The following MBNL2 variants were observed in gnomAD, a reference collection of about 807,000 sequenced individuals.
The protein encoded by MBNL2 is muscleblind-like protein 2.
Under a neutral mutation model 41.9 loss-of-function variants are expected in MBNL2, and 17 were observed. The ratio of observed to expected loss-of-function variants is 0.41; its 90% CI spans 0.28 to 0.61. MBNL2 has a LOEUF of 0.61. MBNL2 is among the 20% of genes least tolerant of loss of function. MBNL2 has a pLI of 0.35. For missense variants in MBNL2, 336 were observed against 505.6 expected, an observed-to-expected ratio of 0.66 and a Z score of 3.22; for synonymous variants, 195 against 182.9, an observed-to-expected ratio of 1.07 and a Z score of -0.53.
intron 3 of MBNL2, among the ~76,000 whole-genome samples, chr13:97,339,161 G>T (rs1221206247): frequency 3.1e-4 from 2 of 6,534 alleles, no homozygotes; most frequent in Non-Finnish European, 9.4e-4. Flanking sequence ...GGAGTGTGCT[G>T]TGAATGTGTA....
intron 2 of MBNL2, among the ~76,000 whole-genome samples, chr13:97,316,065 T>A (rs2059022483): frequency 6.6e-6 from 1 of 152,214 alleles, no homozygotes; most frequent in Non-Finnish European, 1.5e-5. Context: ...GGCACCTCTC[T>A]TTCAATGTCT....
chr13:97,188,594 G>C, the MBNL2 span, among the ~76,000 whole-genome samples: 4 of 151,360 alleles, frequency 2.6e-5, no homozygotes, highest in Admixed American at 2.6e-4. Flanking sequence ...TCTGATGCAC[G>C]TATAATTCCC....
At chr13:97,180,955 A>G in the MBNL2 span, among the ~76,000 whole-genome samples, 3 of 152,086 alleles carry the variant, frequency 2.0e-5, no homozygotes, top group African/African-American at 7.2e-5. Flanking sequence ...GCTCTAAGGG[A>G]TAATCTATTC....
At chr13:97,318,564 T>G (rs555763013) in intron 2 of MBNL2, among the ~76,000 whole-genome samples, 1 of 152,348 alleles carries the variant, frequency 6.6e-6, no homozygotes, top group African/African-American at 2.4e-5. Context: ...TACCAAGTAT[T>G]ATTACCATCT....
chr13:97,181,825 T>G, the MBNL2 span, among the ~76,000 whole-genome samples: 1 of 152,218 alleles, frequency 6.6e-6, no homozygotes, highest in East Asian at 1.9e-4. Context: ...ATGATGTCTC[T>G]TATGGTTATG....
chr13:97,339,878 G>T (rs2061302550), intron 3 of MBNL2, among the ~76,000 whole-genome samples: 1 of 148,550 alleles, frequency 6.7e-6, no homozygotes, highest in South Asian at 2.2e-4. Context: ...TGTGGGCGGG[G>T]GGGGCGTTGT....
intron 2 of MBNL2, among the ~76,000 whole-genome samples, chr13:97,323,202 T>C (rs971687938): frequency 1.3e-5 from 2 of 152,216 alleles, no homozygotes; most frequent in African/African-American, 4.8e-5. Context: ...ATTCACCATA[T>C]AGTATTGCAA....
chr13:97,253,452 T>C (rs889096742), intron 1 of MBNL2, among the ~76,000 whole-genome samples: 5 of 152,210 alleles, frequency 3.3e-5, no homozygotes, highest in Non-Finnish European at 5.9e-5. Flanking sequence ...TAAGTTCTTA[T>C]TATATTCTAA....
At chr13:97,145,350 A>G in the MBNL2 span, among the ~76,000 whole-genome samples, 1 of 152,230 alleles carries the variant, frequency 6.6e-6, no homozygotes, top group African/African-American at 2.4e-5. Context: ...AAGAAAAGAG[A>G]AAGAAAGAAT....
chr13:97,175,895 C>T, the MBNL2 span, among the ~76,000 whole-genome samples: 4 of 152,284 alleles, frequency 2.6e-5, no homozygotes, highest in African/African-American at 7.2e-5. Context: ...GTGCTAAGAT[C>T]AGGGTCCTGG....
At chr13:97,270,027 T>C (rs901275851) in intron 1 of MBNL2, among the ~76,000 whole-genome samples, 43 of 152,352 alleles carry the variant, frequency 2.8e-4, no homozygotes, top group Admixed American at 2.4e-3. Flanking sequence ...GGAACTATTA[T>C]CGACATTTAG....
At chr13:97,313,160 G>T (rs2058751411) in intron 2 of MBNL2, among the ~76,000 whole-genome samples, 2 of 152,158 alleles carry the variant, frequency 1.3e-5, no homozygotes, top group South Asian at 4.1e-4. Flanking sequence ...GAAAGTGGAG[G>T]CTCCTAGTGG....
chr13:97,209,641 G>A, the MBNL2 span, among the ~76,000 whole-genome samples: 2 of 152,048 alleles, frequency 1.3e-5, no homozygotes, highest in Non-Finnish European at 2.9e-5. Flanking sequence ...GTCTAATTAA[G>A]GCAATTAATA....
intron 1 of MBNL2, among the ~76,000 whole-genome samples, chr13:97,271,112 G>GTTTTTT (rs369155404): frequency 1.5e-5 from 2 of 133,396 alleles, no homozygotes; most frequent in African/African-American, 2.8e-5. Context: ...GCTCTTTTTT[G>GTTTTTT]TTTTTTTTTT....
the MBNL2 span, among the ~76,000 whole-genome samples, chr13:97,211,763 C>T: frequency 3.3e-5 from 5 of 152,260 alleles, no homozygotes; most frequent in African/African-American, 9.6e-5. Flanking sequence ...AAGCCAGATG[C>T]CTTCTCTTTG....
intron 1 of MBNL2, among the ~76,000 whole-genome samples, chr13:97,236,535 A>G (rs1164391302): frequency 2.0e-5 from 3 of 150,724 alleles, no homozygotes; most frequent in East Asian, 3.9e-4. Context: ...TTTGTCTTTA[A>G]TAAAGTTTTA....
intron 2 of MBNL2, among the ~76,000 whole-genome samples, chr13:97,326,518 A>G (rs1234504309): frequency 1.3e-5 from 2 of 152,228 alleles, no homozygotes; most frequent in Non-Finnish European, 2.9e-5. Context: ...TGAACCAAAT[A>G]ATAAACAGAA....
At chr13:97,233,841 C>T (rs185613361) in intron 1 of MBNL2, among the ~76,000 whole-genome samples, 1 of 152,134 alleles carries the variant, frequency 6.6e-6, no homozygotes, top group African/African-American at 2.4e-5. Context: ...CTTTGTTCTC[C>T]TGGGTACTCA....
intron 1 of MBNL2, among the ~76,000 whole-genome samples, chr13:97,253,100 T>G (rs562996296): frequency 1.3e-5 from 2 of 152,324 alleles, no homozygotes; most frequent in East Asian, 3.9e-4. Context: ...CTCATAAATA[T>G]CAGTTTTATG....
Sources: allele counts gnomAD v4.1 joint callset (sites outside exome capture counted in the v4.1 genomes callset), GRCh38; gene constraint gnomAD v4.1.1; transcripts MANE v1.5; gene names NCBI Gene and HGNC (gene_info 2026-07-23, HGNC 2026-07-21).